Variants in COL9A2 observed in about 807,000 individuals in gnomAD.
The protein encoded by COL9A2 is collagen type IX alpha 2 chain.
Under a neutral mutation model 111.6 loss-of-function variants are expected in COL9A2, and 66 were observed. The observed-to-expected ratio is 0.59, with a 90% CI of 0.48 to 0.73. The LOEUF is 0.73. Among genes scored for constraint, COL9A2 ranks in the 30% least tolerant of loss-of-function variants. The pLI is 0.00. For missense variants in COL9A2, 881 were observed against 954.1 expected, an observed-to-expected ratio of 0.92 and a Z score of 1.01; for synonymous variants, 353 against 364.1, an observed-to-expected ratio of 0.97 and a Z score of 0.35.
chr1:40,313,449 A>G (rs1339280360), intron 4 of COL9A2, among the ~76,000 whole-genome samples: 1 of 152,222 alleles, frequency 6.6e-6, no homozygotes, highest in African/African-American at 2.4e-5. Context: ...GATTACAGGC[A>G]TAAGCCACCA....
In COL9A2 at chr1:40,311,566, ATGGAGCTTGGCC is replaced by A; in HGVS notation, c.472-31_472-20del. On this transcript the variant is annotated intron_variant, in intron 9 of 31. Transcript: ENST00000372748. The surrounding 1 kb of genome is among the most constrained non-coding windows in gnomAD (Gnocchi z 5.1). ...GGCGACCCTGAGAGGAGACATGAAGATGGAGCTTGGCCTGACCCTTTCCCGCCGCAGGCTTGC... is the reference window on the plus strand; with the variant it reads ...GGCGACCCTGAGAGGAGACATGAAGATGACCCTTTCCCGCCGCAGGCTTGC... 2 of 1,613,456 alleles carry A rather than the reference ATGGAGCTTGGCC, an allele frequency of 1.2e-6. No homozygotes were observed. Among genetic ancestry groups the A allele is most frequent in the East Asian group, 4.5e-5 (2 of 44,808 alleles).
In COL9A2 at chr1:40,310,167, G is replaced by A. The variant is rs1393419792; in HGVS notation, c.739-3C>T. The A allele has an allele frequency of 1.2e-6, 2 of 1,614,118 alleles. No homozygotes were observed. The highest frequency in any genetic ancestry group is 1.6e-4 in the Middle Eastern group (1 of 6,062). On this transcript the variant is annotated splice_region_variant and splice_polypyrimidine_tract_variant and intron_variant, in intron 14 of 31. Coordinates refer to ENST00000372748, the MANE Select transcript of COL9A2 (RefSeq NM_001852.4). This position sits in a 1 kb window ranked among gnomAD's most constrained non-coding sequence, Gnocchi z 4.9. ...ATGCCTTTATATCCATGAGGGCCCT[G>A]GGGAGAGGAAAGGGTTGCAGGTCAG...
rs1359746059 is a variant in COL9A2, at chr1:40,316,691, G to A, written c.75+432C>T. The stretch of plus-strand genomic sequence containing the variant: ...CCCCGGCGGCCCTCGGAAGGGAGAC[G>A]TGGGTAGGCGGGCAGGGCCGAGAGG... On this transcript the variant is annotated intron_variant, in intron 1 of 31. Coordinates refer to ENST00000372748, the MANE Select transcript of COL9A2 (RefSeq NM_001852.4). The surrounding 1 kb of genome is among the most constrained non-coding windows in gnomAD (Gnocchi z 5.5). 4 of 429,100 alleles carry A rather than the reference G, an allele frequency of 9.3e-6. No individual in the cohort carries two copies. Among genetic ancestry groups the A allele is most frequent in the South Asian group, 6.5e-5 (4 of 61,182 alleles). 26.6% of individuals were successfully genotyped at this position (429,100 alleles called of 1,614,324 possible).
Position 40,307,846 on chromosome 1 carries a change from T to A in COL9A2, c.901-90A>T. ...CCCTGTTCCTCTGAGACAGCTGCAGTGTGCAGGGAGGGAGTGGCTCTGGTC... is the reference window on the plus strand; with the variant it reads ...CCCTGTTCCTCTGAGACAGCTGCAGAGTGCAGGGAGGGAGTGGCTCTGGTC... On this transcript the variant is annotated intron_variant, in intron 17 of 31. Transcript: ENST00000372748. The surrounding 1 kb of genome is among the most constrained non-coding windows in gnomAD (Gnocchi z 4.8). The A allele has an allele frequency of 1.5e-6, 2 of 1,348,468 alleles. No individual in the cohort carries two copies. Among genetic ancestry groups the A allele is most frequent in the Non-Finnish European group, 2.1e-6 (2 of 948,246 alleles). The allele number at this position is 1,348,468 out of a possible 1,614,324, so 83.5% of individuals were successfully genotyped here.
chr1:40,312,672 A>G lies in COL9A2; in HGVS notation c.303+59T>C. Reference sequence around the variant, plus strand: ...TCCCCGGCTCCTACTTCCTCTCTACAGCCACTCCCAAACGCTGGCCCTAGA... The same window carrying G: ...TCCCCGGCTCCTACTTCCTCTCTACGGCCACTCCCAAACGCTGGCCCTAGA... On this transcript the variant is annotated intron_variant, in intron 5 of 31. Coordinates refer to ENST00000372748, the MANE Select transcript of COL9A2 (RefSeq NM_001852.4). The surrounding 1 kb of genome is among the most constrained non-coding windows in gnomAD (Gnocchi z 6.0). The G allele has an allele frequency of 1.3e-6, 2 of 1,595,674 alleles. No homozygotes were observed. Among genetic ancestry groups the G allele is most frequent in the Non-Finnish European group, 1.7e-6 (2 of 1,170,414 alleles).
At chr1:40,305,865 T>G (rs1179017116) in intron 20 of COL9A2, 97 bp from the exon 21 acceptor site, 1 of 1,107,770 alleles carries the variant, frequency 9.0e-7, no homozygotes, top group East Asian at 2.4e-5. Flanking sequence ...TGGAACCAGA[T>G]GAGCTGGGAC....
chr1:40,315,413 G>A, intron 2 of COL9A2, 177 bp downstream of exon 2: 1 of 1,428,518 alleles, frequency 7.0e-7, no homozygotes, highest in East Asian at 2.6e-5. Flanking sequence ...GTCAGGGCTG[G>A]TTTGAGGTTT....
Position 40,316,263 on chromosome 1 carries a change from C to T in COL9A2, c.76-599G>A, listed in dbSNP as rs558324504. ...GTACTATCTTCCCACTCGGAGCGCC[C>T]CTTCGGCAGCACAGCTGCCCGGTCC... On this transcript the variant is annotated intron_variant, in intron 1 of 31. Coordinates refer to ENST00000372748, the MANE Select transcript of COL9A2 (RefSeq NM_001852.4). This position sits in a 1 kb window ranked among gnomAD's most constrained non-coding sequence, Gnocchi z 5.5. 8.1e-4 allele frequency among the ~76,000 whole-genome samples: 123 copies of T among 152,306 alleles called. 1 individual carries two copies. Among genetic ancestry groups the T allele is most frequent in the African/African-American group, 2.9e-3 (120 of 41,582 alleles).
Position 40,302,940 on chromosome 1 carries a change from G to T in COL9A2, c.1604-131C>A. On this transcript the variant is annotated intron_variant, in intron 29 of 31. Transcript: ENST00000372748. The surrounding 1 kb of genome is among the most constrained non-coding windows in gnomAD (Gnocchi z 4.5). ...CAGACAGAAAAGCACCACCTTCCGTGGGCTCTGTTTTGCGGAAGTCAAAGG... is the reference window on the plus strand; with the variant it reads ...CAGACAGAAAAGCACCACCTTCCGTTGGCTCTGTTTTGCGGAAGTCAAAGG... 1 of 1,144,482 alleles carries T rather than the reference G, an allele frequency of 8.7e-7. No individual in the cohort carries two copies. Among genetic ancestry groups the T allele is most frequent in the Non-Finnish European group, 1.3e-6 (1 of 792,628 alleles). 70.9% of individuals were successfully genotyped at this position (1,144,482 alleles called of 1,614,324 possible).
Position 40,310,779 on chromosome 1 carries a change from G to C in COL9A2, c.631-12C>G, listed in dbSNP as rs755490876. The C allele has an allele frequency of 1.3e-6, 2 of 1,558,308 alleles. No homozygotes were observed. Among genetic ancestry groups the C allele is most frequent in the East Asian group, 4.8e-5 (2 of 41,438 alleles). On this transcript the variant is annotated splice_polypyrimidine_tract_variant and intron_variant, in intron 12 of 31. Coordinates refer to ENST00000372748, the MANE Select transcript of COL9A2 (RefSeq NM_001852.4). This position sits in a 1 kb window ranked among gnomAD's most constrained non-coding sequence, Gnocchi z 4.9. ...TCTCCCTTGGGACCCTAAAGGGCAG[G>C]GATGAGCTGTCAGACAGGCAGGCAG...
rs914029053 is a variant in COL9A2 at position 40,305,707 on chromosome 1, G to T, written c.1107+8C>A. 5 of 1,613,540 alleles carry T rather than the reference G, an allele frequency of 3.1e-6. No homozygotes were observed. The Admixed American group carries it at 5.0e-5, about 16-fold the overall frequency. ...AGGAACCCTTGTGTCAGTGCAGGGGGCATTTACCTCTTTCCCAGGGGGACC... is the reference window on the plus strand; with the variant it reads ...AGGAACCCTTGTGTCAGTGCAGGGGTCATTTACCTCTTTCCCAGGGGGACC... On this transcript the variant is annotated splice_region_variant and intron_variant, in intron 21 of 31. Coordinates refer to ENST00000372748, the MANE Select transcript of COL9A2 (RefSeq NM_001852.4).
rs199547057 is a variant in COL9A2, at chr1:40,301,217, G to A, written c.2035C>T (p.Arg679Cys). The change falls in exon 32 of 32, where the codon CGC (arginine) becomes TGC (cysteine). Residue 679 changes from arginine (R) to cysteine (C), a missense_variant. By Grantham distance (180) the Arg-to-Cys change is radical. Transcript: ENST00000372748. ...TTGATGGATCCAGGCTCTGTAAGGC[G>A]GGCAGAGGCATAGGCCGAAGCTCCA... ...CLGASAYASA[R>C]LTEPGSIKGP The A allele has an allele frequency of 9.9e-6, 16 of 1,613,996 alleles. No individual in the cohort carries two copies. The highest frequency in any genetic ancestry group is 5.3e-5 in the African/African-American group (4 of 75,050).
rs112370406 is a variant in COL9A2 at position 40,303,916 on chromosome 1, C to T, written c.1368+12G>A. 0.061 allele frequency: 94,432 copies of T among 1,552,050 alleles called. 3,085 individuals are homozygous for T. The highest frequency in any genetic ancestry group is 0.066 in the Non-Finnish European group (75,922 of 1,147,534). ...CCGCCGCTCCCCGCCCTTCCCTAGG[C>T]CGCGCGCTCACCTTCTCGCCTTTCT... On this transcript the variant is annotated intron_variant, in intron 26 of 31. Coordinates refer to ENST00000372748, the MANE Select transcript of COL9A2 (RefSeq NM_001852.4). This position sits in a 1 kb window ranked among gnomAD's most constrained non-coding sequence, Gnocchi z 4.6.
At position 40,316,848 on chromosome 1, in the gene COL9A2, CG is replaced by C. The variant is rs982993954; in HGVS notation, c.75+274del. 4 of 564,946 alleles carry C rather than the reference CG, an allele frequency of 7.1e-6. No individual in the cohort carries two copies. In the Admixed American group the frequency reaches 1.2e-4, roughly 16 times the overall value. The allele number at this position is 564,946 out of a possible 1,614,324, so 35.0% of individuals were successfully genotyped here. ...CCTGGGCTCCCCGGGCTGCCAGGACCGGGCGCCAGCTCCTGCCCCACGCTGC... is the reference window on the plus strand; with the variant it reads ...CCTGGGCTCCCCGGGCTGCCAGGACCGGCGCCAGCTCCTGCCCCACGCTGC... On this transcript the variant is annotated intron_variant, in intron 1 of 31. Transcript: ENST00000372748. The surrounding 1 kb of genome is among the most constrained non-coding windows in gnomAD (Gnocchi z 5.5).
intron 31 of COL9A2, 65 bp downstream of exon 31, chr1:40,301,747 T>C: frequency 6.8e-7 from 1 of 1,480,246 alleles, no homozygotes; most frequent in South Asian, 1.2e-5. Context: ...GAGACCGCAG[T>C]GTCCACACGT....
At position 40,301,366 on chromosome 1, in the gene COL9A2, G is replaced by A; in HGVS notation, c.1886C>T (p.Pro629Leu). 6.2e-7 allele frequency: 1 copy of A among 1,608,838 alleles called. No homozygotes were observed. The highest frequency in any genetic ancestry group is 1.1e-5 in the South Asian group (1 of 90,778). ...ATCCTTGCCGTTGATTGCCTGGCCA[G>A]GCCGGCCAGGGAGTCCTGTGAACAG... ...PPGIPGLPGRPGQAINGKDGD... is the reference protein window; with the variant it reads ...PPGIPGLPGRLGQAINGKDGD... The change falls in exon 32 of 32, where the codon CCT becomes CTT. Residue 629 changes from proline (P) to leucine (L), a missense_variant. Transcript: ENST00000372748.
Position 40,304,150 on chromosome 1 carries a change from TC to T in COL9A2, c.1288-52del, listed in dbSNP as rs1206133461. ...TTGGCGAGCTCCCCCCTCCACGGGG[TC>T]CCCCACCTAACTTTCGGCCACACCC... On this transcript the variant is annotated intron_variant, in intron 24 of 31. Transcript: ENST00000372748. 7.2e-6 allele frequency: 11 copies of T among 1,521,976 alleles called. No homozygotes were observed. The African/African-American group carries it at 1.4e-4, about 19-fold the overall frequency. The allele number at this position is 1,521,976 out of a possible 1,614,324, so 94.3% of individuals were successfully genotyped here.
In COL9A2 at chr1:40,315,572, C is replaced by A; in HGVS notation, c.150+18G>T. On this transcript the variant is annotated intron_variant, in intron 2 of 31. Transcript: ENST00000372748. ...TCTGCCGCCTCCCTCCCGCCCTGGT[C>A]TCAGGTTAGAGACTTACGTCGATGC... 6.4e-7 allele frequency: 1 copy of A among 1,550,642 alleles called. No individual in the cohort carries two copies.
In COL9A2 at chr1:40,300,789, T is replaced by G; in HGVS notation, c.*393A>C. ...AGTCATTGGTCCTCAAGCTGAGGGG[T>G]GGAACTGTAGCTGGGCAGGGCCCGG... On this transcript the variant is annotated 3_prime_UTR_variant, in exon 32 of 32. Coordinates refer to ENST00000372748, the MANE Select transcript of COL9A2 (RefSeq NM_001852.4). This position sits in a 1 kb window ranked among gnomAD's most constrained non-coding sequence, Gnocchi z 4.4. 1 of 196,616 alleles carries G rather than the reference T, an allele frequency of 5.1e-6. No homozygotes were observed. Among genetic ancestry groups the G allele is most frequent in the Non-Finnish European group, 1.1e-5 (1 of 94,682 alleles). The allele number at this position is 196,616 out of a possible 1,614,324, so 12.2% of individuals were successfully genotyped here.
Sources: allele counts gnomAD v4.1 joint callset (sites outside exome capture counted in the v4.1 genomes callset), GRCh38; gene constraint gnomAD v4.1.1; non-coding constraint Gnocchi (gnomAD v3.1); transcripts MANE v1.5; gene names NCBI Gene and HGNC (gene_info 2026-07-23, HGNC 2026-07-21).